The following TENM4 variants were observed in gnomAD, a reference collection of about 807,000 sequenced individuals.
TENM4 encodes teneurin-4.
Under a neutral mutation model 243.3 loss-of-function variants are expected in TENM4, and 82 were observed. The observed-to-expected ratio is 0.34, with a 90% CI of 0.28 to 0.40. The LOEUF is 0.40. TENM4 is among the 10% of genes least tolerant of loss of function. The pLI, the probability that TENM4 is intolerant of heterozygous loss-of-function variation, is 1.00. For synonymous variants in TENM4, 1,412 were observed against 1,456.3 expected, an observed-to-expected ratio of 0.97 and a Z score of 0.69; for missense variants, 3,138 against 3,673.3, an observed-to-expected ratio of 0.85 and a Z score of 3.77.
chr11:78,738,639 C>T, intron 19 of TENM4, 69 bp from the exon 20 acceptor site: 3 of 1,529,466 alleles, frequency 2.0e-6, no homozygotes, highest in Non-Finnish European at 2.6e-6. Context: ...GGCAGGGAAC[C>T]CCGAGAGGCC....
intron 4 of TENM4, among the ~76,000 whole-genome samples, chr11:79,128,908 T>G (rs1861937412): frequency 6.6e-6 from 1 of 152,150 alleles, no homozygotes; most frequent in African/African-American, 2.4e-5. Flanking sequence ...CAGAGCAGTA[T>G]GCAGAGGCTT....
intron 1 of TENM4, among the ~76,000 whole-genome samples, chr11:79,428,422 C>G (rs1590959894): frequency 6.6e-6 from 1 of 152,248 alleles, no homozygotes. Flanking sequence ...TGTCACTAAC[C>G]CTGGAAAGCT....
chr11:78,785,184 G>A (rs1272529514), intron 16 of TENM4, among the ~76,000 whole-genome samples: 1 of 152,054 alleles, frequency 6.6e-6, no homozygotes, highest in Non-Finnish European at 1.5e-5. Flanking sequence ...TAAAGAAGAG[G>A]CCCCCTCAGA....
intron 6 of TENM4, among the ~76,000 whole-genome samples, chr11:79,061,401 C>G (rs1860082151): frequency 6.6e-6 from 1 of 152,138 alleles, no homozygotes; most frequent in African/African-American, 2.4e-5. Context: ...CTCTGCCCAC[C>G]CGTCTACCCT....
chr11:78,722,152 A>G (rs1025879908), intron 24 of TENM4, among the ~76,000 whole-genome samples: 1 of 152,188 alleles, frequency 6.6e-6, no homozygotes, highest in African/African-American at 2.4e-5. Flanking sequence ...CTAGGACTAC[A>G]GGCAGGTGCC....
intron 1 of TENM4, among the ~76,000 whole-genome samples, chr11:79,370,455 C>G (rs485417): frequency 0.15 from 23,162 of 152,100 alleles, 1,934 homozygotes; most frequent in East Asian, 0.27. Flanking sequence ...CTCCATCATG[C>G]GAAGTATGAG....
intron 6 of TENM4, among the ~76,000 whole-genome samples, chr11:78,997,125 G>A (rs940385315): frequency 1.3e-5 from 2 of 152,178 alleles, no homozygotes; most frequent in African/African-American, 4.8e-5. Flanking sequence ...TGAGGCCCAG[G>A]AACATTCATG....
chr11:79,382,416 A>C (rs1051426001), intron 1 of TENM4, among the ~76,000 whole-genome samples: 8 of 152,066 alleles, frequency 5.3e-5, no homozygotes, highest in African/African-American at 1.9e-4. Context: ...CCTCCTACTT[A>C]TGTACATGCC....
intron 7 of TENM4, among the ~76,000 whole-genome samples, chr11:78,899,891 G>A (rs185719504): frequency 6.6e-6 from 1 of 152,298 alleles, no homozygotes; most frequent in African/African-American, 2.4e-5. Flanking sequence ...AGAACTGTAA[G>A]CCAAATAAAT....
In TENM4 at chr11:79,037,259, T is replaced by G. The variant is rs532946367; in HGVS notation, c.493+27479A>C. On this transcript the variant is annotated intron_variant, in intron 6 of 33. Coordinates refer to ENST00000278550, the MANE Select transcript of TENM4 (RefSeq NM_001098816.3). ...CTCTTGCTGTCAGCTGCTGCACCTA[T>G]GAGGCAGCCCTCAACTACATGGCAA... Among the ~76,000 whole-genome samples the G allele has an allele frequency of 1.3e-3, 197 of 152,286 alleles. 1 individual carries two copies. Among genetic ancestry groups the G allele is most frequent in the African/African-American group, 4.5e-3 (186 of 41,566 alleles).
rs569459747 is a variant in TENM4, at chr11:79,244,432, T to C, written c.-264-28523A>G. Among the ~76,000 whole-genome samples the C allele has an allele frequency of 1.4e-4, 20 of 141,962 alleles. No individual in the cohort carries two copies. The South Asian group carries it at 2.5e-3, about 18-fold the overall frequency. 93.1% of individuals were successfully genotyped at this position (141,962 alleles called of 152,430 possible). A position where few individuals can be genotyped will look rare whatever the true frequency, so the allele number is the denominator to read the frequency against. On this transcript the variant is annotated intron_variant, in intron 2 of 33. Coordinates refer to ENST00000278550, the MANE Select transcript of TENM4 (RefSeq NM_001098816.3). ...TGGCATTAGGAGGGACAGGGCTGTA[T>C]GTGTCTATGTGTGTGTGTGTGTGTG... is the stretch of plus-strand genomic sequence containing the variant.
chr11:79,047,232 C>T (rs923240565), intron 6 of TENM4, among the ~76,000 whole-genome samples: 5 of 152,206 alleles, frequency 3.3e-5, no homozygotes, highest in Non-Finnish European at 7.3e-5. Context: ...TGAATTCCCC[C>T]TCCCTCCACA....
intron 4 of TENM4, among the ~76,000 whole-genome samples, chr11:79,133,728 G>A (rs547322243): frequency 3.9e-5 from 6 of 151,940 alleles, no homozygotes; most frequent in South Asian, 2.1e-4. Flanking sequence ...GCTACACCAC[G>A]TAAACAGAAT....
chr11:78,860,785 G>A (rs1441291539), intron 10 of TENM4, among the ~76,000 whole-genome samples: 2 of 152,154 alleles, frequency 1.3e-5, no homozygotes, highest in African/African-American at 4.8e-5. Context: ...TGCATTGAAG[G>A]CATTTGCAAA....
intron 6 of TENM4, among the ~76,000 whole-genome samples, chr11:78,991,217 C>G (rs1193363480): frequency 6.6e-6 from 1 of 152,064 alleles, no homozygotes; most frequent in East Asian, 1.9e-4. Context: ...GGGTAGCCCT[C>G]CTGAGAAACA....
intron 6 of TENM4, among the ~76,000 whole-genome samples, chr11:79,060,674 A>G (rs1431391291): frequency 6.6e-6 from 1 of 152,260 alleles, no homozygotes; most frequent in Non-Finnish European, 1.5e-5. Context: ...CAGAGAAACC[A>G]GACTTCAAAT....
chr11:79,053,098 T>C (rs1021893819), intron 6 of TENM4, among the ~76,000 whole-genome samples: 6 of 152,200 alleles, frequency 3.9e-5, no homozygotes, highest in Non-Finnish European at 7.3e-5. Flanking sequence ...AAGAAGATAG[T>C]AATTATATAT....
At chr11:78,904,807 G>A (rs993609440) in intron 6 of TENM4, among the ~76,000 whole-genome samples, 2 of 152,204 alleles carry the variant, frequency 1.3e-5, no homozygotes, top group Non-Finnish European at 2.9e-5. Context: ...CTAAGTAGGT[G>A]TTATTGGCAA....
At chr11:79,324,827 G>T (rs1044029381) in intron 1 of TENM4, among the ~76,000 whole-genome samples, 1 of 152,114 alleles carries the variant, frequency 6.6e-6, no homozygotes, top group Admixed American at 6.5e-5. Context: ...TCATAGCAGA[G>T]GACACAGAGA....
Sources: allele counts gnomAD v4.1 joint callset (sites outside exome capture counted in the v4.1 genomes callset), GRCh38; gene constraint gnomAD v4.1.1; transcripts MANE v1.5; gene names NCBI Gene and HGNC (gene_info 2026-07-23, HGNC 2026-07-21).